Variants in CDH10 observed in about 807,000 individuals in gnomAD.
CDH10 encodes cadherin 10.
In CDH10, 30 loss-of-function variants were observed where a neutral mutation model predicts 73.1. That is an observed-to-expected ratio of 0.41 (90% CI 0.31 to 0.56). The LOEUF (loss-of-function observed/expected upper bound fraction) is 0.56. Among genes scored for constraint, CDH10 ranks in the 20% least tolerant of loss-of-function variants. CDH10 has a pLI of 0.27. For synonymous variants in CDH10, 345 were observed against 348.2 expected (o/e 0.99, Z 0.10); for missense variants, 815 against 973.7 (o/e 0.84, Z 2.17).
intron 1 of CDH10, among the ~76,000 whole-genome samples, chr5:24,630,238 C>T (rs544317702): frequency 5.3e-4 from 80 of 152,122 alleles, no homozygotes; most frequent in African/African-American, 1.9e-3. Flanking sequence ...GCCCTAGTGG[C>T]TGGAGAACTC....
At chr5:24,544,032 AC>A (rs1292899287) in intron 2 of CDH10, among the ~76,000 whole-genome samples, 5 of 152,306 alleles carry the variant, frequency 3.3e-5, no homozygotes, top group Non-Finnish European at 7.4e-5. Context: ...GTGGTGGCTT[AC>A]GCCTGTAATC....
At chr5:24,586,398 T>C (rs948164190) in intron 2 of CDH10, among the ~76,000 whole-genome samples, 1 of 149,784 alleles carries the variant, frequency 6.7e-6, no homozygotes, top group Non-Finnish European at 1.5e-5. Flanking sequence ...TCAATTTTAA[T>C]CCACCTACCT....
At chr5:24,504,682 T>C (rs1021471635) in intron 8 of CDH10, among the ~76,000 whole-genome samples, 2 of 151,842 alleles carry the variant, frequency 1.3e-5, no homozygotes, top group Non-Finnish European at 2.9e-5. Flanking sequence ...CCCGCCACCA[T>C]GCCCGGCTAA....
chr5:24,548,193 T>C (rs1744410037), intron 2 of CDH10, among the ~76,000 whole-genome samples: 1 of 151,936 alleles, frequency 6.6e-6, no homozygotes, highest in Admixed American at 6.6e-5. Flanking sequence ...AGTGGCGTGA[T>C]TTCAGCTCAC....
chr5:24,612,853 A>G (rs1579471132), intron 1 of CDH10: 2 of 152,174 alleles, frequency 1.3e-5, no homozygotes, highest in Admixed American at 1.3e-4. Context: ...ATCATAAAAT[A>G]TTTGTGGTAA....
chr5:24,547,691 G>GT (rs959118852), intron 2 of CDH10, among the ~76,000 whole-genome samples: 7 of 152,070 alleles, frequency 4.6e-5, no homozygotes, highest in African/African-American at 1.7e-4. Flanking sequence ...ATTCAATTTT[G>GT]TTTTTTAAGT....
At chr5:24,609,627 T>A (rs1242143526) in intron 1 of CDH10, 1 of 152,220 alleles carries the variant, frequency 6.6e-6, no homozygotes, top group Non-Finnish European at 1.5e-5. Context: ...CTTAAATGAT[T>A]ACAGTATAAG....
rs535956529 is a variant in CDH10 at position 24,586,724 on chromosome 5, C to T, written c.231+6536G>A. Among the ~76,000 whole-genome samples, 37 of 151,478 alleles carry T rather than the reference C, an allele frequency of 2.4e-4. 1 individual carries two copies. The South Asian group carries it at 5.4e-3, about 22-fold the overall frequency. Reference sequence around the variant, plus strand: ...CCTCCCAAAGTGCTGGGATTACAGGCGAGAGTCATTGCATCCAGTCTATGT... The same window carrying T: ...CCTCCCAAAGTGCTGGGATTACAGGTGAGAGTCATTGCATCCAGTCTATGT... On this transcript the variant is annotated intron_variant, in intron 2 of 11. Transcript: ENST00000264463.
chr5:24,636,892 C>T (rs1319857985), intron 1 of CDH10, among the ~76,000 whole-genome samples: 1 of 151,786 alleles, frequency 6.6e-6, no homozygotes, highest in Non-Finnish European at 1.5e-5. Flanking sequence ...AAAGGCTGCT[C>T]CTAAGGGAAG....
chr5:24,548,730 CAAAAAG>C (rs1744436786), intron 2 of CDH10, among the ~76,000 whole-genome samples: 1 of 151,810 alleles, frequency 6.6e-6, no homozygotes, highest in Admixed American at 6.6e-5. Flanking sequence ...ATCTGATAAA[CAAAAAG>C]AAAACTTTCC....
chr5:24,491,811 G>T lies in CDH10; in HGVS notation c.1641C>A (p.Ile547=). Residue 547 remains isoleucine (I), a synonymous_variant, in exon 11 of 12, where the codon ATC becomes ATA. Coordinates refer to ENST00000264463, the MANE Select transcript of CDH10 (RefSeq NM_006727.5). ...VQDNEDNTAR[I]LTRKNGFNRH... ...TATTGAATCCATTTTTTCTGGTTAA[G>T]ATTCTGGCAGTATTATCTAAAACAA... is the stretch of plus-strand genomic sequence containing the variant. 6.3e-7 allele frequency: 1 copy of T among 1,597,228 alleles called. No homozygotes were observed. The highest frequency in any genetic ancestry group is 1.1e-5 in the South Asian group (1 of 90,136).
rs182866400 is a variant in CDH10 at position 24,566,519 on chromosome 5, C to T, written c.231+26741G>A. Among the ~76,000 whole-genome samples, 176 of 152,058 alleles carry T rather than the reference C, an allele frequency of 1.2e-3. 1 individual carries two copies. Among genetic ancestry groups the T allele is most frequent in the Middle Eastern group, 6.8e-3 (2 of 294 alleles). On this transcript the variant is annotated intron_variant, in intron 2 of 11. Transcript: ENST00000264463. The stretch of plus-strand genomic sequence containing the variant: ...GGCCTAGCTATATATATAGAATAAC[C>T]GAAGAGAATTGATCATTCATAATTA...
chr5:24,631,524 C>T (rs2112197147), intron 1 of CDH10, among the ~76,000 whole-genome samples: 1 of 152,022 alleles, frequency 6.6e-6, no homozygotes, highest in South Asian at 2.1e-4. Flanking sequence ...TTGCAGACAG[C>T]CATGCCTCCT....
At chr5:24,599,364 C>T (rs2112109951) in intron 1 of CDH10, among the ~76,000 whole-genome samples, 1 of 152,212 alleles carries the variant, frequency 6.6e-6, no homozygotes, top group South Asian at 2.1e-4. Context: ...TTAGGATTTC[C>T]TTCCCAAGAT....
Position 24,604,363 on chromosome 5 carries a change from T to TA in CDH10, c.-123-10751dup, listed in dbSNP as rs202114037. 8.7e-3 allele frequency among the ~76,000 whole-genome samples: 1,316 copies of TA among 151,662 alleles called. 11 individuals are homozygous for TA. The highest frequency in any genetic ancestry group is 0.013 in the Non-Finnish European group (880 of 67,886). On this transcript the variant is annotated intron_variant, in intron 1 of 11. Coordinates refer to ENST00000264463, the MANE Select transcript of CDH10 (RefSeq NM_006727.5). ...TTCTGTCTCTAAAAATACAATACAA[T>TA]AAAAAAAATTTACCAATGTGCAATA...
At chr5:24,569,352 A>C (rs997398210) in intron 2 of CDH10, among the ~76,000 whole-genome samples, 5 of 152,096 alleles carry the variant, frequency 3.3e-5, no homozygotes, top group Admixed American at 1.3e-4. Context: ...TAAACTGTAC[A>C]CTTAAAAATG....
At chr5:24,543,606 T>C (rs1260274880) in intron 2 of CDH10, among the ~76,000 whole-genome samples, 7 of 152,136 alleles carry the variant, frequency 4.6e-5, no homozygotes, top group African/African-American at 1.2e-4. Flanking sequence ...GTGGTATCAT[T>C]AGTATTCTGC....
At chr5:24,502,640 A>G (rs16893453) in intron 8 of CDH10, among the ~76,000 whole-genome samples, 57,458 of 152,056 alleles carry the variant, frequency 0.38, 12,326 homozygotes, top group East Asian at 0.57. Context: ...GTCCTTTAAA[A>G]AAAGAAGTAA....
At chr5:24,571,724 A>G (rs16893560) in intron 2 of CDH10, among the ~76,000 whole-genome samples, 10,003 of 152,130 alleles carry the variant, frequency 0.066, 580 homozygotes, top group Admixed American at 0.16. Context: ...AAATAATGCT[A>G]TGTATCAATG....
Sources: gnomAD v4.1 joint callset for allele counts (sites outside exome capture counted in the v4.1 genomes callset) on GRCh38, gnomAD v4.1.1 for gene constraint, MANE v1.5 for transcripts, NCBI Gene and HGNC (gene_info 2026-07-23, HGNC 2026-07-21) for gene names.